MGAM2: variants seen among roughly 807,000 people sequenced by gnomAD.
MGAM2 encodes the protein maltase-glucoamylase 2 (putative).
Under a neutral mutation model 96.1 loss-of-function variants are expected in MGAM2, and 98 were observed. That is an observed-to-expected ratio of 1.02 (90% CI 0.87 to 1.21). The LOEUF (loss-of-function observed/expected upper bound fraction) is 1.21. MGAM2 is among the 50% of genes most tolerant of loss of function. MGAM2 has a pLI of 0.00. For synonymous variants in MGAM2, 749 were observed against 414.8 expected (o/e 1.81, Z -9.79); for missense variants, 2,055 against 1,182.4 (o/e 1.74, Z -10.82).
Position 142,172,113 on chromosome 7 carries a change from T to A in MGAM2, c.3367T>A (p.Tyr1123Asn). 1 of 733,122 alleles carries A rather than the reference T, an allele frequency of 1.4e-6. No individual in the cohort carries two copies. 45.4% of individuals were successfully genotyped at this position (733,122 alleles called of 1,614,324 possible). Residue 1123 changes from tyrosine to asparagine, a missense_variant, in exon 29 of 48, where the codon TAT (tyrosine) becomes AAT (asparagine). Tyr to Asn is a moderately radical substitution (Grantham distance 143). Coordinates refer to ENST00000477922, the MANE Select transcript of MGAM2 (RefSeq NM_001293626.2). ...TGACTCCCAGTACAAGAAGAATTCC[T>A]ATGGTGTCCACCCTTACTACATGGC... ...DEPPAYKKNS[Y>N]GVHPYYMALE...
In MGAM2 at chr7:142,172,700, G is replaced by A; in HGVS notation, c.3497G>A (p.Gly1166Glu). ...TPALTYRTTG[G>E]ILDFYIVLGP... ...GCTCTGACATACCGCACCACAGGAGGGATTTTGGACTTCTACATTGTTTTG... is the reference window on the plus strand; with the variant it reads ...GCTCTGACATACCGCACCACAGGAGAGATTTTGGACTTCTACATTGTTTTG... Residue 1166 changes from glycine (G) to glutamate (E), a missense_variant, in exon 30 of 48, where the codon GGG (glycine) becomes GAG (glutamate). Physicochemically the swap from Gly to Glu is moderately conservative, Grantham distance 98. Coordinates refer to ENST00000477922, the MANE Select transcript of MGAM2 (RefSeq NM_001293626.2). 1 of 705,040 alleles carries A rather than the reference G, an allele frequency of 1.4e-6. No homozygotes were observed. The highest frequency in any genetic ancestry group is 2.7e-5 in the East Asian group (1 of 37,558). 43.7% of individuals were successfully genotyped at this position (705,040 alleles called of 1,614,324 possible).
intron 14 of MGAM2, 102 bp downstream of exon 14, chr7:142,145,047 G>T: frequency 1.6e-6 from 1 of 640,666 alleles, no homozygotes. Context: ...CCTAGTCCAA[G>T]GGGTCTCCTA....
At chr7:142,211,969 C>G (rs1797600006) in intron 46 of MGAM2, among the ~76,000 whole-genome samples, 1 of 152,156 alleles carries the variant, frequency 6.6e-6, no homozygotes. Flanking sequence ...CAAAGGGAAG[C>G]CCATCAGACT....
In MGAM2 at chr7:142,200,044, A is replaced by G. The variant is rs1008099906; in HGVS notation, c.5137+76A>G. The G allele has an allele frequency of 4.2e-5, 23 of 552,824 alleles. No individual in the cohort carries two copies. The African/African-American group carries it at 4.4e-4, about 11-fold the overall frequency. 34.2% of individuals were successfully genotyped at this position (552,824 alleles called of 1,614,324 possible). On this transcript the variant is annotated intron_variant, in intron 45 of 47. Transcript: ENST00000477922. ...CATAGAGGCTCGGCATATAACTAACATGAACTGAAAACCTCTCTCTGCCTA... is the reference window on the plus strand; with the variant it reads ...CATAGAGGCTCGGCATATAACTAACGTGAACTGAAAACCTCTCTCTGCCTA...
rs919159521 is a variant in MGAM2 at position 142,138,622 on chromosome 7, A to G, written c.1041A>G (p.Lys347=). 12 of 702,900 alleles carry G rather than the reference A, an allele frequency of 1.7e-5. No homozygotes were observed. Among genetic ancestry groups the G allele is most frequent in the Non-Finnish European group, 2.9e-5 (11 of 384,960 alleles). 43.5% of individuals were successfully genotyped at this position (702,900 alleles called of 1,614,324 possible). A position where few individuals can be genotyped will look rare whatever the true frequency, so the allele number is the denominator to read the frequency against. ...LSRRDYGGIN[K]LKEVVSRNRL... ...GCAGGGACTATGGTGGCATCAATAA[A>G]TTGAAAGAAGTTGTAAGCCGAAATC... The change falls in exon 10 of 48, where the codon AAA becomes AAG. Residue 347 remains lysine (K), a synonymous_variant. Transcript: ENST00000477922.
intron 9 of MGAM2, 83 bp downstream of exon 9, chr7:142,137,628 G>T: frequency 1.9e-6 from 1 of 515,772 alleles, no homozygotes; most frequent in Non-Finnish European, 3.4e-6. Flanking sequence ...AAAATAAAAG[G>T]TATTAGTAAA....
rs1269817435 is a variant in MGAM2, at chr7:142,158,296, G to C, written c.2127G>C (p.Trp709Cys). Residue 709 changes from tryptophan to cysteine, a missense_variant, in exon 19 of 48, where the codon TGG becomes TGC. By Grantham distance (215) the Trp-to-Cys change is radical. Coordinates refer to ENST00000477922, the MANE Select transcript of MGAM2 (RefSeq NM_001293626.2). Reference protein sequence around the residue: ...ATWDVHEQFLWGPGLLITPVL... With the variant: ...ATWDVHEQFLCGPGLLITPVL... ...GGGATGTGCATGAGCAGTTCTTATG[G>C]GGACCTGGACTCCTCATCACGCCTG... 6.1e-5 allele frequency: 43 copies of C among 702,752 alleles called. No individual in the cohort carries two copies. The East Asian group carries it at 1.1e-3, about 18-fold the overall frequency. The allele number at this position is 702,752 out of a possible 1,614,324, so 43.5% of individuals were successfully genotyped here.
At chr7:142,199,104 T>C (rs1469972833) in intron 44 of MGAM2, among the ~76,000 whole-genome samples, 2 of 152,228 alleles carry the variant, frequency 1.3e-5, no homozygotes, top group African/African-American at 4.8e-5. Flanking sequence ...CCTTGTCCTA[T>C]CCTAGAACTT....
rs199731485 is a variant in MGAM2, at chr7:142,140,814, T to A, written c.1099T>A (p.Ser367Thr). 9.7e-4 allele frequency: 680 copies of A among 702,750 alleles called. 2 individuals carry two copies. Among genetic ancestry groups the A allele is most frequent in the Non-Finnish European group, 1.5e-3 (573 of 384,898 alleles). The allele number at this position is 702,750 out of a possible 1,614,324, so 43.5% of individuals were successfully genotyped here. The change falls in exon 11 of 48, where the codon TCT becomes ACT. Residue 367 changes from serine to threonine, a missense_variant. Ser to Thr is a moderately conservative substitution (Grantham distance 58). Transcript: ENST00000477922. Reference sequence around the variant, plus strand: ...AGCTCTCTTTCAGGATGTCCAGTACTCTGACATAGACTACATGGATGGAAA... The same window carrying A: ...AGCTCTCTTTCAGGATGTCCAGTACACTGACATAGACTACATGGATGGAAA... ...LAEIPYDVQYSDIDYMDGKKD... is the reference protein window; with the variant it reads ...LAEIPYDVQYTDIDYMDGKKD...
At chr7:142,205,487 T>A (rs571205315) in intron 45 of MGAM2, among the ~76,000 whole-genome samples, 2 of 151,908 alleles carry the variant, frequency 1.3e-5, no homozygotes, top group South Asian at 2.1e-4. Context: ...TCTATTTTTT[T>A]AATTATGATC....
chr7:142,143,942 T>C, intron 13 of MGAM2, 60 bp downstream of exon 13: 1 of 698,466 alleles, frequency 1.4e-6, no homozygotes, highest in Non-Finnish European at 2.6e-6. Context: ...AATTTTCAGA[T>C]GAGTTTTGAC....
intron 37 of MGAM2, among the ~76,000 whole-genome samples, chr7:142,192,690 C>T (rs1372054683): frequency 1.3e-5 from 2 of 152,172 alleles, no homozygotes; most frequent in Non-Finnish European, 2.9e-5. Flanking sequence ...GCACCATCCC[C>T]TCCTCTCTCT....
chr7:142,152,928 C>T (rs1795623192), intron 15 of MGAM2, among the ~76,000 whole-genome samples: 2 of 151,854 alleles, frequency 1.3e-5, no homozygotes, highest in East Asian at 1.9e-4. Flanking sequence ...ACTGTATGTT[C>T]ATCTGTGCCC....
intron 46 of MGAM2, among the ~76,000 whole-genome samples, chr7:142,209,398 G>A (rs1184079602): frequency 6.6e-6 from 1 of 152,156 alleles, no homozygotes; most frequent in South Asian, 2.1e-4. Flanking sequence ...ATGGAAAGGG[G>A]TATGGATTTG....
chr7:142,119,325 C>A (rs985936598), intron 2 of MGAM2, among the ~76,000 whole-genome samples: 2 of 152,144 alleles, frequency 1.3e-5, no homozygotes, highest in Non-Finnish European at 2.9e-5. Context: ...AAAGTATATT[C>A]AACATCATTG....
At chr7:142,177,210 G>A (rs1475144681) in intron 32 of MGAM2, among the ~76,000 whole-genome samples, 5 of 152,194 alleles carry the variant, frequency 3.3e-5, no homozygotes, top group African/African-American at 9.6e-5. Context: ...CACAATCATG[G>A]CAGAAGGTGA....
intron 26 of MGAM2, among the ~76,000 whole-genome samples, 168 bp from the exon 27 acceptor site, chr7:142,169,907 T>C (rs1358086697): frequency 2.0e-5 from 3 of 152,134 alleles, no homozygotes; most frequent in African/African-American, 7.2e-5. Flanking sequence ...AGCATCTGTA[T>C]GGGGCACAGT....
At chr7:142,215,566 G>A (rs1279464351) in intron 46 of MGAM2, among the ~76,000 whole-genome samples, 1 of 151,744 alleles carries the variant, frequency 6.6e-6, no homozygotes, top group Non-Finnish European at 1.5e-5. Context: ...TTTGAGACCA[G>A]CCTGACCAAC....
chr7:142,172,036 G>A, intron 28 of MGAM2, 62 bp from the exon 29 acceptor site: 2 of 622,654 alleles, frequency 3.2e-6, no homozygotes, highest in South Asian at 3.6e-5. Flanking sequence ...TTGCTGTTTG[G>A]GTTATGGTAT....
Sources: gnomAD v4.1 joint callset for allele counts (sites outside exome capture counted in the v4.1 genomes callset) on GRCh38, gnomAD v4.1.1 for gene constraint, MANE v1.5 for transcripts, NCBI Gene and HGNC (gene_info 2026-07-23, HGNC 2026-07-21) for gene names.